Variants in MARK4 observed in about 807,000 individuals in gnomAD.
MARK4 encodes microtubule affinity regulating kinase 4.
A neutral mutation model predicts 81.5 loss-of-function variants in MARK4; 19 were observed. That is an observed-to-expected ratio of 0.23 (90% CI 0.16 to 0.34). The LOEUF is 0.34. MARK4 is among the 10% of genes least tolerant of loss of function. MARK4 has a pLI of 1.00. For synonymous variants in MARK4, 436 were observed against 439.0 expected (o/e 0.99, Z 0.08); for missense variants, 772 against 1,058.8 (o/e 0.73, Z 3.76).
At chr19:45,283,409 CAAAAAAAAAAAA>C (rs869039919) in intron 12 of MARK4, among the ~76,000 whole-genome samples, 197 of 86,410 alleles carry the variant, frequency 2.3e-3, no homozygotes, top group African/African-American at 7.7e-3. Flanking sequence ...GACTTCCTCT[CAAAAAAAAAAAA>C]AAAAAAAAAA....
intron 1 of MARK4, 46 bp downstream of exon 1, chr19:45,251,685 G>T (rs748843597): frequency 1.5e-5 from 22 of 1,473,910 alleles, no homozygotes; most frequent in Non-Finnish European, 2.0e-5. Flanking sequence ...GGGTCCAGCC[G>T]CCAAACCCTT....
chr19:45,254,826 T>C (rs1970287455), intron 1 of MARK4, among the ~76,000 whole-genome samples: 1 of 152,184 alleles, frequency 6.6e-6, no homozygotes, highest in African/African-American at 2.4e-5. Context: ...ATGGAGTCAT[T>C]CCCTGGGCTA....
chr19:45,304,044 A>G lies in MARK4; in HGVS notation c.*1334A>G, dbSNP rs1971016902. The G allele has an allele frequency of 6.6e-6, 1 of 152,264 alleles. No homozygotes were observed. The highest frequency in any genetic ancestry group is 2.4e-5 in the African/African-American group (1 of 41,472). 9.4% of individuals were successfully genotyped at this position (152,264 alleles called of 1,614,324 possible). On this transcript the variant is annotated 3_prime_UTR_variant, in exon 17 of 17. Coordinates refer to ENST00000262891, the MANE Select transcript of MARK4 (RefSeq NM_001199867.2). ...ACTAATAATCCATCTACGCTGCTTA[A>G]GCAAAAAGGTATTTGTTGGTTTATG...
intron 13 of MARK4, 87 bp from the exon 14 acceptor site, chr19:45,294,262 C>A: frequency 7.9e-7 from 1 of 1,264,032 alleles, no homozygotes. Context: ...ACTTATTCAT[C>A]GATGGGGAGG....
At chr19:45,276,579 C>T (rs374997076) in intron 8 of MARK4, among the ~76,000 whole-genome samples, 4 of 150,522 alleles carry the variant, frequency 2.7e-5, no homozygotes, top group African/African-American at 4.9e-5. Context: ...ATTTACATAC[C>T]GCTCTCTGGC....
At chr19:45,277,792 G>A in intron 8 of MARK4, 131 bp from the exon 9 acceptor site, 1 of 1,106,060 alleles carries the variant, frequency 9.0e-7, no homozygotes, top group Non-Finnish European at 1.2e-6. Flanking sequence ...CAGAGCTTCT[G>A]TCACTTCTAT....
chr19:45,268,320 C>A (rs1234696794), intron 7 of MARK4, among the ~76,000 whole-genome samples: 1 of 151,726 alleles, frequency 6.6e-6, no homozygotes, highest in Admixed American at 6.6e-5. Context: ...GACGCGGTGG[C>A]TCTCACCTGT....
chr19:45,262,285 C>G (rs1240783892), intron 2 of MARK4, among the ~76,000 whole-genome samples: 1 of 143,136 alleles, frequency 7.0e-6, no homozygotes, highest in Non-Finnish European at 1.5e-5. Flanking sequence ...TATGATCACA[C>G]CACTGTAACA....
intron 4 of MARK4, among the ~76,000 whole-genome samples, chr19:45,264,120 C>A (rs751768725): frequency 3.9e-5 from 6 of 152,086 alleles, no homozygotes; most frequent in Non-Finnish European, 8.8e-5. Context: ...TGAGTGGCCG[C>A]TATGTGCCAG....
rs542278309 is a variant in MARK4 at position 45,280,486 on chromosome 19, C to T, written c.1116+3C>T. 474 of 1,614,104 alleles carry T rather than the reference C, an allele frequency of 2.9e-4. 3 individuals carry two copies. The South Asian group carries it at 4.9e-3, about 17-fold the overall frequency. Reference sequence around the variant, plus strand: ...TCCTGCTGGGCAGGAAGACTGAGGTCAGGGGGCGCCAGGGGCCCTTGGGGA... The same window carrying T: ...TCCTGCTGGGCAGGAAGACTGAGGTTAGGGGGCGCCAGGGGCCCTTGGGGA... On this transcript the variant is annotated splice_donor_region_variant and intron_variant, in intron 11 of 16. Transcript: ENST00000262891.
rs1428360055 is a variant in MARK4 at position 45,305,164 on chromosome 19, T to C, written c.*2454T>C. 2 of 152,526 alleles carry C rather than the reference T, an allele frequency of 1.3e-5. No individual in the cohort carries two copies. Among genetic ancestry groups the C allele is most frequent in the Non-Finnish European group, 2.9e-5 (2 of 68,358 alleles). The allele number at this position is 152,526 out of a possible 1,614,324, so 9.4% of individuals were successfully genotyped here. On this transcript the variant is annotated 3_prime_UTR_variant, in exon 17 of 17. Coordinates refer to ENST00000262891, the MANE Select transcript of MARK4 (RefSeq NM_001199867.2). ...AAAGTGGGCAGGACCTGGTAACAGG[T>C]GTCTGGACTGTGGCTTTGGCTGGCT...
rs1343322160 is a variant in MARK4 at position 45,304,493 on chromosome 19, C to A, written c.*1783C>A. On this transcript the variant is annotated 3_prime_UTR_variant, in exon 17 of 17. Coordinates refer to ENST00000262891, the MANE Select transcript of MARK4 (RefSeq NM_001199867.2). ...TACAGAAGGGCGGAGCTTATTCACA[C>A]AGCACCTTTGGGGCCAAAATGAATA... 2 of 152,244 alleles carry A rather than the reference C, an allele frequency of 1.3e-5. No homozygotes were observed. The highest frequency in any genetic ancestry group is 3.8e-4 in the East Asian group (2 of 5,202). The allele number at this position is 152,244 out of a possible 1,614,324, so 9.4% of individuals were successfully genotyped here.
chr19:45,256,680 T>A (rs1193716841), intron 1 of MARK4, among the ~76,000 whole-genome samples: 3 of 152,176 alleles, frequency 2.0e-5, no homozygotes, highest in Admixed American at 2.0e-4. Flanking sequence ...GAGGGCAGCC[T>A]CATTTAGGGC....
rs1970765663 is a variant in MARK4, at chr19:45,287,779, A to T, written c.1494+115A>T. 9 of 1,184,686 alleles carry T rather than the reference A, an allele frequency of 7.6e-6. No individual in the cohort carries two copies. The East Asian group carries it at 2.0e-4, about 27-fold the overall frequency. The allele number at this position is 1,184,686 out of a possible 1,614,324, so 73.4% of individuals were successfully genotyped here. A position where few individuals can be genotyped will look rare whatever the true frequency, so the allele number is the denominator to read the frequency against. ...CTCCTTCTTACCAACTCCTTCTTCT[A>T]CCCATTCATTCATTCAACAAACATT... On this transcript the variant is annotated intron_variant, in intron 13 of 16. Transcript: ENST00000262891.
In MARK4 at chr19:45,255,721, A is replaced by G. The variant is rs1033599462; in HGVS notation, c.52-3268A>G. Among the ~76,000 whole-genome samples, 4 of 152,226 alleles carry G rather than the reference A, an allele frequency of 2.6e-5. No homozygotes were observed. The South Asian group carries it at 8.3e-4, about 31-fold the overall frequency. ...TAATTAAACGTTAGTTGTCGTTGCTATCAAGTGGCCCGGCAGTGTCTTTCT... is the reference window on the plus strand; with the variant it reads ...TAATTAAACGTTAGTTGTCGTTGCTGTCAAGTGGCCCGGCAGTGTCTTTCT... On this transcript the variant is annotated intron_variant, in intron 1 of 16. Coordinates refer to ENST00000262891, the MANE Select transcript of MARK4 (RefSeq NM_001199867.2).
chr19:45,278,000 G>C lies in MARK4; in HGVS notation c.864G>C (p.Arg288=). 1 of 1,613,978 alleles carries C rather than the reference G, an allele frequency of 6.2e-7. No homozygotes were observed. The highest frequency in any genetic ancestry group is 8.5e-7 in the Non-Finnish European group (1 of 1,179,990). Reference sequence around the variant, plus strand: ...CAACAGACTGTGAGAGCATCCTGCGGAGATTTTTGGTGCTGAACCCAGCTA... The same window carrying C: ...CAACAGACTGTGAGAGCATCCTGCGCAGATTTTTGGTGCTGAACCCAGCTA... The part of the protein sequence containing the change: ...YMSTDCESIL[R]RFLVLNPAKR... The change falls in exon 9 of 17, where the codon CGG becomes CGC. Residue 288 remains arginine (R), a synonymous_variant. Coordinates refer to ENST00000262891, the MANE Select transcript of MARK4 (RefSeq NM_001199867.2).
intron 13 of MARK4, among the ~76,000 whole-genome samples, chr19:45,293,269 AAAAT>A (rs924995852): frequency 1.2e-4 from 18 of 152,308 alleles, no homozygotes; most frequent in African/African-American, 2.6e-4. Context: ...TCTGTCCAAA[AAAAT>A]AAATAAATAA....
intron 13 of MARK4, among the ~76,000 whole-genome samples, chr19:45,290,755 G>A (rs1299172725): frequency 6.6e-6 from 1 of 152,220 alleles, no homozygotes; most frequent in African/African-American, 2.4e-5. Flanking sequence ...GGCAATGACC[G>A]GCTGTGTTTG....
intron 14 of MARK4, 99 bp from the exon 15 acceptor site, chr19:45,297,577 G>A (rs1970902599): frequency 1.4e-6 from 1 of 692,518 alleles, no homozygotes; most frequent in Non-Finnish European, 2.4e-6. Context: ...CAGGCTGGTT[G>A]CAGTCCCTGG....
Sources: allele counts gnomAD v4.1 joint callset (sites outside exome capture counted in the v4.1 genomes callset), GRCh38; gene constraint gnomAD v4.1.1; transcripts MANE v1.5; gene names NCBI Gene and HGNC (gene_info 2026-07-23, HGNC 2026-07-21).